Variants in ASAP1 observed in about 807,000 individuals in gnomAD.
ASAP1 encodes ArfGAP with SH3 domain, ankyrin repeat and PH domain 1.
Under a neutral mutation model 145.2 loss-of-function variants are expected in ASAP1, and 43 were observed. The observed-to-expected ratio is 0.30, with a 90% CI of 0.23 to 0.38. The LOEUF (loss-of-function observed/expected upper bound fraction) is 0.38, where lower values mean the gene tolerates loss of function less well. Ranked by LOEUF, ASAP1 falls within the 10% of genes least tolerant of loss-of-function variation. ASAP1 has a pLI of 1.00. For synonymous variants in ASAP1, 546 were observed against 515.5 expected (o/e 1.06, Z -0.80); for missense variants, 1,018 against 1,355.3 (o/e 0.75, Z 3.91).
At chr8:130,268,873 C>G (rs1208322629) in intron 3 of ASAP1, among the ~76,000 whole-genome samples, 7 of 152,120 alleles carry the variant, frequency 4.6e-5, no homozygotes, top group Non-Finnish European at 8.8e-5. Context: ...ATTCCCCCAT[C>G]AATTTTGCCA....
chr8:130,298,837 C>T (rs1822449116), intron 3 of ASAP1, among the ~76,000 whole-genome samples: 1 of 152,194 alleles, frequency 6.6e-6, no homozygotes, highest in Non-Finnish European at 1.5e-5. Context: ...TCTGCACTAA[C>T]TCCATCACAG....
intron 1 of ASAP1, among the ~76,000 whole-genome samples, chr8:130,434,971 C>T (rs1017126018): frequency 6.6e-6 from 1 of 152,098 alleles, no homozygotes; most frequent in Admixed American, 6.5e-5. Flanking sequence ...GATTACAGGG[C>T]GAGGTGAAGG....
chr8:130,264,947 AAG>A (rs1252531172), intron 3 of ASAP1, among the ~76,000 whole-genome samples: 3 of 152,184 alleles, frequency 2.0e-5, no homozygotes, highest in Admixed American at 2.0e-4. Flanking sequence ...CATCTTAAGA[AAG>A]AGGGAGGAAC....
chr8:130,430,097 G>A (rs999693989), intron 1 of ASAP1, among the ~76,000 whole-genome samples: 1 of 152,166 alleles, frequency 6.6e-6, no homozygotes, highest in African/African-American at 2.4e-5. Flanking sequence ...CTGAGCACCA[G>A]GGCCCCGATC....
At chr8:130,072,822 T>TGTGTGTGTGTGTGTGTGC (rs1554816353) in intron 27 of ASAP1, among the ~76,000 whole-genome samples, 1 of 26,036 alleles carries the variant, frequency 3.8e-5, no homozygotes, top group African/African-American at 1.4e-4. Context: ...TGTGTGTGTG[T>TGTGTGTGTGTGTGTGTGC]GTGCGCGCGG....
Position 130,180,183 on chromosome 8 carries a change from C to T in ASAP1, c.660+568G>A, listed in dbSNP as rs542073054. Among the ~76,000 whole-genome samples the T allele has an allele frequency of 4.6e-5, 7 of 152,072 alleles. 1 individual carries two copies. The South Asian group carries it at 1.5e-3, about 32-fold the overall frequency. ...AGGAAAAAAATTTGACAAAGTTCTC[C>T]ACTTTAATATTTTCTGAAAACTGCA... is the stretch of plus-strand genomic sequence containing the variant. On this transcript the variant is annotated intron_variant, in intron 8 of 29. Coordinates refer to ENST00000518721, the MANE Select transcript of ASAP1 (RefSeq NM_018482.4).
intron 5 of ASAP1, among the ~76,000 whole-genome samples, chr8:130,213,101 G>A (rs1190175384): frequency 1.3e-5 from 2 of 152,186 alleles, no homozygotes; most frequent in East Asian, 3.8e-4. Flanking sequence ...AAAACCGAGG[G>A]TGCTCTTCTG....
chr8:130,064,892 A>AGTGTGT (rs1564918831), intron 27 of ASAP1, among the ~76,000 whole-genome samples: 14 of 105,938 alleles, frequency 1.3e-4, no homozygotes, highest in Admixed American at 4.0e-4. Context: ...GTTTACTAAG[A>AGTGTGT]ATGTGTGTGT....
At chr8:130,074,444 C>CAA (rs1202043128) in intron 27 of ASAP1, among the ~76,000 whole-genome samples, 6 of 100,888 alleles carry the variant, frequency 5.9e-5, no homozygotes, top group Non-Finnish European at 1.9e-5. Flanking sequence ...ATAGTAAACA[C>CAA]ACACACACAC....
chr8:130,419,556 G>A (rs913879030), intron 1 of ASAP1, among the ~76,000 whole-genome samples: 5 of 152,172 alleles, frequency 3.3e-5, no homozygotes, highest in Non-Finnish European at 7.4e-5. Flanking sequence ...GGAAAAGGAA[G>A]CTGCGCAGCC....
At chr8:130,099,681 T>C (rs1365569241) in intron 24 of ASAP1, among the ~76,000 whole-genome samples, 2 of 56,094 alleles carry the variant, frequency 3.6e-5, no homozygotes, top group Admixed American at 1.6e-4. Context: ...GATTTCATTC[T>C]TTTTTTTTTT....
At chr8:130,210,789 C>A (rs1269159125) in intron 5 of ASAP1, among the ~76,000 whole-genome samples, 1 of 152,184 alleles carries the variant, frequency 6.6e-6, no homozygotes, top group African/African-American at 2.4e-5. Context: ...AGATTTGGTG[C>A]ATCTATCTCT....
At chr8:130,428,785 TATC>T (rs1222181649) in intron 1 of ASAP1, among the ~76,000 whole-genome samples, 2 of 144,188 alleles carry the variant, frequency 1.4e-5, no homozygotes, top group African/African-American at 5.1e-5. Context: ...ACCATCATCA[TATC>T]ATCATCACCA....
At chr8:130,262,597 G>A (rs1820003988) in intron 3 of ASAP1, among the ~76,000 whole-genome samples, 1 of 151,850 alleles carries the variant, frequency 6.6e-6, no homozygotes, top group South Asian at 2.1e-4. Flanking sequence ...CTCCTCAAAT[G>A]TCTTTAACTA....
chr8:130,426,117 T>C (rs1461362439), intron 1 of ASAP1, among the ~76,000 whole-genome samples: 6 of 152,148 alleles, frequency 3.9e-5, no homozygotes, highest in Non-Finnish European at 1.5e-5. Context: ...GTGTTTCTAA[T>C]GGTTTAGCAC....
At chr8:130,174,614 G>C (rs1185836366) in intron 9 of ASAP1, among the ~76,000 whole-genome samples, 2 of 152,162 alleles carry the variant, frequency 1.3e-5, no homozygotes, top group African/African-American at 4.8e-5. Context: ...CCCACCTCTG[G>C]GGAGGGCAGA....
intron 3 of ASAP1, among the ~76,000 whole-genome samples, chr8:130,266,945 A>T (rs1820282441): frequency 6.6e-6 from 1 of 152,042 alleles, no homozygotes; most frequent in Non-Finnish European, 1.5e-5. Context: ...AGAAAGAAAA[A>T]GTAGGATAAT....
chr8:130,074,005 A>G (rs1034080931), intron 27 of ASAP1, among the ~76,000 whole-genome samples: 2 of 152,222 alleles, frequency 1.3e-5, no homozygotes, highest in African/African-American at 4.8e-5. Flanking sequence ...TTTCTTCAAC[A>G]AATAAAAAGA....
intron 11 of ASAP1, among the ~76,000 whole-genome samples, chr8:130,164,538 C>A (rs989936900): frequency 1.3e-5 from 2 of 152,152 alleles, no homozygotes; most frequent in African/African-American, 2.4e-5. Context: ...CTGCAGTGAG[C>A]GAGATTTGTA....
Sources: gnomAD v4.1 joint callset for allele counts (sites outside exome capture counted in the v4.1 genomes callset) on GRCh38, gnomAD v4.1.1 for gene constraint, MANE v1.5 for transcripts, NCBI Gene and HGNC (gene_info 2026-07-23, HGNC 2026-07-21) for gene names.